Variants in CREB3L2 observed in about 807,000 individuals in gnomAD.
CREB3L2 encodes the protein cAMP responsive element binding protein 3 like 2, also known as cyclic AMP-responsive element-binding protein 3-like protein 2.
CREB3L2 carries 23 observed loss-of-function variants against 57.2 expected under a neutral mutation model. That is an observed-to-expected ratio of 0.40 (90% CI 0.29 to 0.57). CREB3L2 has a LOEUF of 0.57. CREB3L2 is among the 20% of genes least tolerant of loss of function. The pLI, the probability that CREB3L2 is intolerant of heterozygous loss-of-function variation, is 0.42. For synonymous variants in CREB3L2, 268 were observed against 265.1 expected (o/e 1.01, Z -0.11); for missense variants, 628 against 634.7 (o/e 0.99, Z 0.11).
At chr7:137,926,598 G>A (rs1800465048) in intron 2 of CREB3L2, among the ~76,000 whole-genome samples, 2 of 151,982 alleles carry the variant, frequency 1.3e-5, no homozygotes, top group African/African-American at 2.4e-5. Flanking sequence ...GGCAAGGGGA[G>A]GGACAGCATT....
chr7:137,885,085 A>T lies in CREB3L2; in HGVS notation c.1180T>A (p.Phe394Ile). ...GGATAGGGCCCGTAGCCTTGAAAGA[A>T]GCTGCCGAATGCAACGGCAAAGCAC... ...VLCFAVAFGS[F>I]FQGYGPYPSA... Residue 394 changes from phenylalanine to isoleucine, a missense_variant, in exon 10 of 12, where the codon TTC becomes ATC. Coordinates refer to ENST00000330387, the MANE Select transcript of CREB3L2 (RefSeq NM_194071.4). 1 of 1,614,210 alleles carries T rather than the reference A, an allele frequency of 6.2e-7. No homozygotes were observed. The highest frequency in any genetic ancestry group is 8.5e-7 in the Non-Finnish European group (1 of 1,180,026).
chr7:137,915,533 G>C (rs1378066691), intron 3 of CREB3L2, among the ~76,000 whole-genome samples: 1 of 151,886 alleles, frequency 6.6e-6, no homozygotes, highest in Non-Finnish European at 1.5e-5. Flanking sequence ...AAAAATCAGT[G>C]CCATAGAGAA....
chr7:137,903,970 G>T lies in CREB3L2; in HGVS notation c.963C>A (p.Ser321Arg). 6.2e-7 allele frequency: 1 copy of T among 1,613,676 alleles called. No individual in the cohort carries two copies. The highest frequency in any genetic ancestry group is 8.5e-7 in the Non-Finnish European group (1 of 1,179,600). The change falls in exon 7 of 12, where the codon AGC becomes AGA. Residue 321 changes from serine to arginine, a missense_variant. Transcript: ENST00000330387. ...SRRKKKEYMD[S>R]LEKKVESCST... ...GCCAGCAGGCTTACTTTTTCTCCAG[G>T]CTGTCCATGTATTCTTTCTTCTTTC... is the stretch of plus-strand genomic sequence containing the variant.
intron 1 of CREB3L2, among the ~76,000 whole-genome samples, chr7:137,989,673 G>T (rs1332299282): frequency 6.6e-6 from 1 of 151,928 alleles, no homozygotes; most frequent in Non-Finnish European, 1.5e-5. Flanking sequence ...CCAGACCCAA[G>T]TCTCCAAATG....
chr7:137,916,911 T>G (rs1800150435), intron 2 of CREB3L2, among the ~76,000 whole-genome samples: 1 of 152,158 alleles, frequency 6.6e-6, no homozygotes, highest in Non-Finnish European at 1.5e-5. Flanking sequence ...TCTCCTTCTC[T>G]CCAAAGGAAA....
intron 1 of CREB3L2, among the ~76,000 whole-genome samples, chr7:137,970,624 G>A (rs984743968): frequency 2.0e-5 from 3 of 152,168 alleles, no homozygotes; most frequent in Middle Eastern, 3.2e-3. Context: ...ATCCAGGTGG[G>A]AAACCTAATC....
At chr7:137,949,371 T>G (rs1222462667) in intron 1 of CREB3L2, among the ~76,000 whole-genome samples, 2 of 152,192 alleles carry the variant, frequency 1.3e-5, no homozygotes, top group Non-Finnish European at 2.9e-5. Flanking sequence ...CAAAACACAC[T>G]TTATAAAGGA....
intron 3 of CREB3L2, among the ~76,000 whole-genome samples, chr7:137,914,180 AATT>A (rs200565286): frequency 0.014 from 2,080 of 149,696 alleles, 152 homozygotes; most frequent in Admixed American, 0.12. Context: ...CAATTAATAT[AATT>A]ATTAATAATT....
At chr7:137,897,829 CTTT>C (rs932063829) in intron 8 of CREB3L2, among the ~76,000 whole-genome samples, 6 of 151,416 alleles carry the variant, frequency 4.0e-5, no homozygotes, top group Non-Finnish European at 5.9e-5. Context: ...TGAAAGGATT[CTTT>C]TTTTTTCCTA....
chr7:137,896,452 C>T (rs562824929), intron 8 of CREB3L2, among the ~76,000 whole-genome samples: 14 of 152,258 alleles, frequency 9.2e-5, no homozygotes, highest in Non-Finnish European at 1.8e-4. Flanking sequence ...CAGGCACACG[C>T]CACCACGCCC....
chr7:137,970,398 A>C (rs533918896), intron 1 of CREB3L2, among the ~76,000 whole-genome samples: 17 of 152,316 alleles, frequency 1.1e-4, no homozygotes, highest in African/African-American at 4.1e-4. Context: ...TGTGCCAAAA[A>C]CCACAGATAT....
At chr7:137,964,622 G>A (rs1343029087) in intron 1 of CREB3L2, among the ~76,000 whole-genome samples, 5 of 152,200 alleles carry the variant, frequency 3.3e-5, no homozygotes, top group Non-Finnish European at 5.9e-5. Flanking sequence ...TGATATGCAA[G>A]GTAATCAATA....
At position 137,885,229 on chromosome 7, in the gene CREB3L2, G is replaced by C. The variant is rs1799389329; in HGVS notation, c.1144-108C>G. 2.2e-6 allele frequency: 3 copies of C among 1,334,180 alleles called. No homozygotes were observed. The African/African-American group carries it at 4.4e-5, about 20-fold the overall frequency. 82.6% of individuals were successfully genotyped at this position (1,334,180 alleles called of 1,614,324 possible). The stretch of plus-strand genomic sequence containing the variant: ...ACAGACTCTCCTCTTCAGGCCAGTG[G>C]ACTGCACCCACCAGTCACATCACCA... On this transcript the variant is annotated intron_variant, in intron 9 of 11. Transcript: ENST00000330387.
intron 1 of CREB3L2, among the ~76,000 whole-genome samples, chr7:137,939,009 C>T (rs1800838499): frequency 6.6e-6 from 1 of 152,206 alleles, no homozygotes; most frequent in Non-Finnish European, 1.5e-5. Context: ...AATCTGCCTA[C>T]TTCTTGGCTT....
intron 1 of CREB3L2, among the ~76,000 whole-genome samples, chr7:137,969,004 C>T (rs1296998339): frequency 2.6e-5 from 4 of 152,214 alleles, no homozygotes; most frequent in Non-Finnish European, 5.9e-5. Context: ...AGAGAAGGAA[C>T]GAAGAAGACG....
At chr7:137,895,142 C>T (rs1799601758) in intron 8 of CREB3L2, among the ~76,000 whole-genome samples, 1 of 152,212 alleles carries the variant, frequency 6.6e-6, no homozygotes. Context: ...ACGCCTACAA[C>T]TAATGGGCCG....
chr7:137,898,473 T>C (rs1285396128), intron 8 of CREB3L2, among the ~76,000 whole-genome samples: 2 of 152,228 alleles, frequency 1.3e-5, no homozygotes, highest in East Asian at 3.8e-4. Flanking sequence ...TCATTAACGA[T>C]GAAGAGTCTT....
Position 137,924,827 on chromosome 7 carries a change from C to T in CREB3L2, c.319+3323G>A, listed in dbSNP as rs1800417165. ...GTTGGCTCCTGTGGTGGCTGGGCCACATGAAGTTCCTTAGCTCTAGTGTTT... is the reference window on the plus strand; with the variant it reads ...GTTGGCTCCTGTGGTGGCTGGGCCATATGAAGTTCCTTAGCTCTAGTGTTT... On this transcript the variant is annotated intron_variant, in intron 2 of 11. Transcript: ENST00000330387. Among the ~76,000 whole-genome samples the T allele has an allele frequency of 5.3e-5, 8 of 152,268 alleles. No individual in the cohort carries two copies. The South Asian group carries it at 1.7e-3, about 32-fold the overall frequency.
intron 10 of CREB3L2, among the ~76,000 whole-genome samples, chr7:137,883,285 G>A (rs915157098): frequency 6.6e-6 from 1 of 152,190 alleles, no homozygotes; most frequent in Non-Finnish European, 1.5e-5. Flanking sequence ...ACCTGGCAGA[G>A]ACACACCTGC....
Sources: gnomAD v4.1 joint callset for allele counts (sites outside exome capture counted in the v4.1 genomes callset) on GRCh38, gnomAD v4.1.1 for gene constraint, MANE v1.5 for transcripts, NCBI Gene and HGNC (gene_info 2026-07-23, HGNC 2026-07-21) for gene names.